The following DTX2 variants were observed in gnomAD, a reference collection of about 807,000 sequenced individuals.
The protein encoded by DTX2 is deltex E3 ubiquitin ligase 2.
DTX2 carries 29 observed loss-of-function variants against 55.3 expected under a neutral mutation model. The ratio of observed to expected loss-of-function variants is 0.52; its 90% CI spans 0.39 to 0.71. The LOEUF (loss-of-function observed/expected upper bound fraction) is 0.71. DTX2 is among the 30% of genes least tolerant of loss of function. The probability of loss-of-function intolerance (pLI) is 0.00; values close to 1 mark genes in which losing one functional copy is unlikely to be tolerated. For synonymous variants in DTX2, 276 were observed against 340.4 expected (o/e 0.81, Z 2.08); for missense variants, 537 against 822.5 (o/e 0.65, Z 4.25).
chr7:76,481,730 A>G (rs990406751), intron 3 of DTX2, among the ~76,000 whole-genome samples: 18 of 151,752 alleles, frequency 1.2e-4, no homozygotes, highest in Non-Finnish European at 1.5e-4. Context: ...CTGGCCCTGC[A>G]GTAAGGAATT....
chr7:76,481,680 G>T (rs1428300000), intron 3 of DTX2, among the ~76,000 whole-genome samples: 2 of 152,072 alleles, frequency 1.3e-5, no homozygotes, highest in Non-Finnish European at 2.9e-5. Flanking sequence ...CTGGTGGGTG[G>T]AGGCCAGGGA....
chr7:76,502,210 C>G, intron 7 of DTX2, 88 bp from the exon 8 acceptor site: 1 of 1,363,650 alleles, frequency 7.3e-7, no homozygotes. Context: ...TCCAGCATTT[C>G]AGCACATGAA....
chr7:76,473,091 G>A (rs1224837248), intron 2 of DTX2, among the ~76,000 whole-genome samples: 2 of 151,890 alleles, frequency 1.3e-5, no homozygotes, highest in East Asian at 1.9e-4. Flanking sequence ...TCCACCTCCC[G>A]AGTAGCTAAG....
Position 76,505,419 on chromosome 7 carries a change from A to G in DTX2, c.1687A>G (p.Thr563Ala). The G allele has an allele frequency of 6.3e-7, 1 of 1,597,092 alleles. No homozygotes were observed. The highest frequency in any genetic ancestry group is 1.3e-5 in the African/African-American group (1 of 74,492). Reference sequence around the variant, plus strand: ...GGCCTGGAAGAGGCGGCTCATCTTCACAGTGGGCACGTCCAGCACCACGGG... The same window carrying G: ...GGCCTGGAAGAGGCGGCTCATCTTCGCAGTGGGCACGTCCAGCACCACGGG... The part of the protein sequence containing the change: ...KVAWKRRLIF[T>A]VGTSSTTGET... The change falls in exon 11 of 11, where the codon ACA (threonine) becomes GCA (alanine). Residue 563 changes from threonine to alanine, a missense_variant. Physicochemically the swap from Thr to Ala is moderately conservative, Grantham distance 58. Coordinates refer to ENST00000430490, the MANE Select transcript of DTX2 (RefSeq NM_001102594.3). The surrounding 1 kb of genome is among the most constrained non-coding windows in gnomAD (Gnocchi z 4.4).
At chr7:76,477,022 G>A (rs974797050) in intron 2 of DTX2, 1 of 152,072 alleles carries the variant, frequency 6.6e-6, no homozygotes, top group East Asian at 1.9e-4. Context: ...GCCGATGATG[G>A]AGGCGGCCGT....
intron 7 of DTX2, chr7:76,501,996 C>G (rs1334279354): frequency 2.5e-6 from 1 of 396,502 alleles, no homozygotes; most frequent in Non-Finnish European, 4.5e-6. Context: ...AAGCGATTCT[C>G]TTGCCTCAGC....
Position 76,502,461 on chromosome 7 carries a change from C to A in DTX2, c.1389+5C>A, listed in dbSNP as rs908363883. The A allele has an allele frequency of 6.2e-7, 1 of 1,610,360 alleles. No homozygotes were observed. The highest frequency in any genetic ancestry group is 8.5e-7 in the Non-Finnish European group (1 of 1,179,300). ...ATGTACTGCAACGGCAATAAGGTGCCCCCACTGGCCCAGGGCGGAGGCGGG... is the reference window on the plus strand; with the variant it reads ...ATGTACTGCAACGGCAATAAGGTGCACCCACTGGCCCAGGGCGGAGGCGGG... On this transcript the variant is annotated splice_donor_5th_base_variant and intron_variant, in intron 8 of 10. Coordinates refer to ENST00000430490, the MANE Select transcript of DTX2 (RefSeq NM_001102594.3).
Position 76,505,655 on chromosome 7 carries a change from G to C in DTX2, c.*54G>C. On this transcript the variant is annotated 3_prime_UTR_variant, in exon 11 of 11. Coordinates refer to ENST00000430490, the MANE Select transcript of DTX2 (RefSeq NM_001102594.3). This position sits in a 1 kb window ranked among gnomAD's most constrained non-coding sequence, Gnocchi z 4.4. ...TGGCCACCCCGCTGCCCCATGGCTG[G>C]CTGGGTGGCCAGGCAGGAAGTGCCC... The C allele has an allele frequency of 6.6e-7, 1 of 1,515,664 alleles. No individual in the cohort carries two copies. The highest frequency in any genetic ancestry group is 8.8e-7 in the Non-Finnish European group (1 of 1,130,604). 93.9% of individuals were successfully genotyped at this position (1,515,664 alleles called of 1,614,324 possible).
At chr7:76,503,742 A>G (rs962143743) in intron 9 of DTX2, among the ~76,000 whole-genome samples, 155 bp downstream of exon 9, 1 of 149,804 alleles carries the variant, frequency 6.7e-6, no homozygotes, top group Non-Finnish European at 1.5e-5. Context: ...AGGGCCGGGA[A>G]TGGGGAGGCA....
In DTX2 at chr7:76,505,233, A is replaced by G. The variant is rs1367534504; in HGVS notation, c.1642-141A>G. The G allele has an allele frequency of 1.0e-4, 71 of 701,868 alleles. No individual in the cohort carries two copies. The highest frequency in any genetic ancestry group is 1.4e-4 in the Non-Finnish European group (58 of 413,856). 43.5% of individuals were successfully genotyped at this position (701,868 alleles called of 1,614,324 possible). A position where few individuals can be genotyped will look rare whatever the true frequency, so the allele number is the denominator to read the frequency against. ...GTGGGCAGTTTTGGGGTCCCTGCAG[A>G]TGGGGTGAGTGCCAGGGAGTGGATG... On this transcript the variant is annotated intron_variant, in intron 10 of 10. Coordinates refer to ENST00000430490, the MANE Select transcript of DTX2 (RefSeq NM_001102594.3). The surrounding 1 kb of genome is among the most constrained non-coding windows in gnomAD (Gnocchi z 4.4).
chr7:76,500,629 G>T, intron 7 of DTX2, 109 bp downstream of exon 7: 1 of 503,304 alleles, frequency 2.0e-6, no homozygotes, highest in East Asian at 3.7e-5. Flanking sequence ...GTGCCTCTGG[G>T]TGCCAGGGCC....
chr7:76,474,892 T>C (rs1481983878), intron 2 of DTX2: 1 of 152,266 alleles, frequency 6.6e-6, no homozygotes, highest in South Asian at 2.1e-4. Context: ...CAGCATTCCA[T>C]GGTGCCTCAG....
rs560328680 is a variant in DTX2 at position 76,503,106 on chromosome 7, G to A, written c.1390-320G>A. On this transcript the variant is annotated intron_variant, in intron 8 of 10. Coordinates refer to ENST00000430490, the MANE Select transcript of DTX2 (RefSeq NM_001102594.3). Reference sequence around the variant, plus strand: ...TCCTGGGCAGCCAGGGCCCAGCTCCGCAGATCAGACGCTGCAAGGCTGTCT... The same window carrying A: ...TCCTGGGCAGCCAGGGCCCAGCTCCACAGATCAGACGCTGCAAGGCTGTCT... 345 of 379,444 alleles carry A rather than the reference G, an allele frequency of 9.1e-4. 1 individual carries two copies. Among genetic ancestry groups the A allele is most frequent in the Non-Finnish European group, 1.2e-3 (249 of 209,088 alleles). The allele number at this position is 379,444 out of a possible 1,614,324, so 23.5% of individuals were successfully genotyped here. A position where few individuals can be genotyped will look rare whatever the true frequency, so the allele number is the denominator to read the frequency against.
At chr7:76,483,501 G>A (rs1373253383) in intron 4 of DTX2, among the ~76,000 whole-genome samples, 20 of 152,194 alleles carry the variant, frequency 1.3e-4, no homozygotes, top group Admixed American at 1.2e-3. Flanking sequence ...ACTGACTCCC[G>A]CCTTGTGCCA....
In DTX2 at chr7:76,498,737, C is replaced by T. The variant is rs1195201367; in HGVS notation, c.1150+1260C>T. Among the ~76,000 whole-genome samples the T allele has an allele frequency of 1.1e-4, 9 of 83,988 alleles. 1 individual carries two copies. Among genetic ancestry groups the T allele is most frequent in the East Asian group, 4.9e-4 (1 of 2,058 alleles). The allele number at this position is 83,988 out of a possible 152,430, so 55.1% of individuals were successfully genotyped here. A position where few individuals can be genotyped will look rare whatever the true frequency, so the allele number is the denominator to read the frequency against. ...AGGGCGACCCTGAGCTGGGGGCCAT[C>T]GTTCTGGTCTGGCGTTCTCGCCACC... On this transcript the variant is annotated intron_variant, in intron 6 of 10. Coordinates refer to ENST00000430490, the MANE Select transcript of DTX2 (RefSeq NM_001102594.3).
chr7:76,468,114 G>A (rs1185739510), intron 2 of DTX2, among the ~76,000 whole-genome samples: 15 of 152,420 alleles, frequency 9.8e-5, no homozygotes, highest in Middle Eastern at 3.4e-3. Context: ...CCTGATTCCC[G>A]GATGCAGAGA....
chr7:76,494,274 A>G lies in DTX2; in HGVS notation c.1009+2021A>G, dbSNP rs1222820625. 2.2e-5 allele frequency among the ~76,000 whole-genome samples: 2 copies of G among 91,642 alleles called. 1 individual carries two copies. Among genetic ancestry groups the G allele is most frequent in the Admixed American group, 2.2e-4 (2 of 9,290 alleles). The allele number at this position is 91,642 out of a possible 152,430, so 60.1% of individuals were successfully genotyped here. ...TGGGGGCAGGAGGGAGAGGAGCTGG[A>G]GTGGGGCAGGGGAGACAGAATGAGC... On this transcript the variant is annotated intron_variant, in intron 5 of 10. Transcript: ENST00000430490.
chr7:76,498,991 A>G (rs1309792566), intron 6 of DTX2, among the ~76,000 whole-genome samples: 4 of 15,780 alleles, frequency 2.5e-4, no homozygotes, highest in East Asian at 1.9e-3. Flanking sequence ...TGGAGGGGTG[A>G]GGTGTGTAGG....
In DTX2 at chr7:76,505,626, C is replaced by G; in HGVS notation, c.*25C>G. On this transcript the variant is annotated 3_prime_UTR_variant, in exon 11 of 11. Transcript: ENST00000430490. This position sits in a 1 kb window ranked among gnomAD's most constrained non-coding sequence, Gnocchi z 4.4. ...ACCTCGCACCCCAGCACGCCCGCCT[C>G]TGGTGGCCACCCCGCTGCCCCATGG... 1.3e-6 allele frequency: 2 copies of G among 1,534,214 alleles called. No homozygotes were observed. The highest frequency in any genetic ancestry group is 1.7e-6 in the Non-Finnish European group (2 of 1,144,266).
Sources: allele counts gnomAD v4.1 joint callset (sites outside exome capture counted in the v4.1 genomes callset), GRCh38; gene constraint gnomAD v4.1.1; non-coding constraint Gnocchi (gnomAD v3.1); transcripts MANE v1.5; gene names NCBI Gene and HGNC (gene_info 2026-07-23, HGNC 2026-07-21).